The following PKD1L1 variants were observed in gnomAD, a reference collection of about 807,000 sequenced individuals.
The protein encoded by PKD1L1 is polycystin 1 like 1, transient receptor potential channel interacting.
In PKD1L1, 236 loss-of-function variants were observed where a neutral mutation model predicts 323.4. The observed-to-expected ratio is 0.73, with a 90% CI of 0.66 to 0.81. The LOEUF is 0.81. PKD1L1 is among the 40% of genes least tolerant of loss of function. The probability of loss-of-function intolerance (pLI) is 0.00; values close to 1 mark genes in which losing one functional copy is unlikely to be tolerated. For synonymous variants in PKD1L1, 1,344 were observed against 1,335.0 expected (o/e 1.01, Z -0.15); for missense variants, 3,320 against 3,508.0 (o/e 0.95, Z 1.35).
chr7:47,795,378 C>T (rs1224247336), intron 55 of PKD1L1: 1 of 455,400 alleles, frequency 2.2e-6, no homozygotes, highest in South Asian at 1.6e-5. Flanking sequence ...TCTCTTGCCA[C>T]CACCATGTAA....
intron 4 of PKD1L1, among the ~76,000 whole-genome samples, chr7:47,933,741 A>C (rs1787816017): frequency 6.6e-6 from 1 of 152,192 alleles, no homozygotes; most frequent in African/African-American, 2.4e-5. Context: ...TGAATAAATA[A>C]ATAAATAAAT....
At chr7:47,824,170 G>A (rs909594355) in intron 45 of PKD1L1, among the ~76,000 whole-genome samples, 2 of 152,132 alleles carry the variant, frequency 1.3e-5, no homozygotes, top group Non-Finnish European at 2.9e-5. Context: ...CCAAATCTAG[G>A]TGCTAAAAGT....
intron 1 of PKD1L1, among the ~76,000 whole-genome samples, chr7:47,944,400 G>A (rs1044766996): frequency 6.6e-6 from 1 of 152,186 alleles, no homozygotes; most frequent in Non-Finnish European, 1.5e-5. Context: ...CTGCAGAACC[G>A]TGAGCCAATT....
chr7:47,819,636 C>T (rs768124607), intron 46 of PKD1L1: 8 of 1,186,236 alleles, frequency 6.7e-6, no homozygotes, highest in Non-Finnish European at 8.0e-6. Flanking sequence ...TATTACAATG[C>T]TCAGCAGAAA....
chr7:47,890,688 A>T lies in PKD1L1; in HGVS notation c.2529T>A (p.Asp843Glu). ...CFDSSTAHQL[D>E]AAAPTVSFEA... is the part of the protein sequence containing the mutation. The stretch of plus-strand genomic sequence containing the variant: ...CAAAGGAAACAGTGGGAGCCGCGGC[A>T]TCCAGTTGGTGTGCAGTGGAGGAGT... The change falls in exon 16 of 57, where the codon GAT (aspartate) becomes GAA (glutamate). Residue 843 changes from aspartate (D) to glutamate (E), a missense_variant. Physicochemically the swap from Asp to Glu is conservative, Grantham distance 45. Transcript: ENST00000289672. The T allele has an allele frequency of 1.2e-6, 2 of 1,613,904 alleles. No homozygotes were observed. The highest frequency in any genetic ancestry group is 2.2e-5 in the South Asian group (2 of 91,066).
At chr7:47,842,173 T>C (rs1301275520) in intron 34 of PKD1L1, among the ~76,000 whole-genome samples, 1 of 152,238 alleles carries the variant, frequency 6.6e-6, no homozygotes, top group Non-Finnish European at 1.5e-5. Flanking sequence ...CTTGTGAATA[T>C]ATACATGTAT....
chr7:47,954,697 G>T, the PKD1L1 span, among the ~76,000 whole-genome samples: 1 of 152,146 alleles, frequency 6.6e-6, no homozygotes, highest in Non-Finnish European at 1.5e-5. Context: ...CACATTTTAC[G>T]CTTCCCAATT....
intron 55 of PKD1L1, among the ~76,000 whole-genome samples, chr7:47,794,423 A>T (rs1584946940): frequency 6.6e-6 from 1 of 152,012 alleles, no homozygotes; most frequent in Admixed American, 6.6e-5. Context: ...AGAGAGTGGA[A>T]CCCCCAAGCC....
chr7:47,822,549 C>T (rs1396333237), intron 45 of PKD1L1, among the ~76,000 whole-genome samples: 3 of 132,404 alleles, frequency 2.3e-5, no homozygotes, highest in South Asian at 2.6e-4. Context: ...GAGCCGAGAT[C>T]GCGCCATTGC....
Position 47,840,346 on chromosome 7 carries a change from GCTCA to G in PKD1L1, c.5552+111_5552+114del, listed in dbSNP as rs2128737875. On this transcript the variant is annotated intron_variant, in intron 35 of 56. Coordinates refer to ENST00000289672, the MANE Select transcript of PKD1L1 (RefSeq NM_138295.5). The surrounding 1 kb of genome is among the most constrained non-coding windows in gnomAD (Gnocchi z 4.1). ...TAAAATTGTTTGTATATAAATCGAT[GCTCA>G]CTATTAGAGACCAATGTTATGTATT... 4.6e-6 allele frequency: 3 copies of G among 656,074 alleles called. No homozygotes were observed. Among genetic ancestry groups the G allele is most frequent in the Admixed American group, 2.7e-5 (1 of 36,620 alleles). The allele number at this position is 656,074 out of a possible 1,614,324, so 40.6% of individuals were successfully genotyped here. A position where few individuals can be genotyped will look rare whatever the true frequency, so the allele number is the denominator to read the frequency against.
intron 30 of PKD1L1, among the ~76,000 whole-genome samples, 162 bp downstream of exon 30, chr7:47,854,720 A>T (rs994388895): frequency 2.6e-5 from 4 of 152,240 alleles, no homozygotes; most frequent in African/African-American, 9.6e-5. Context: ...AAAGTCAGGA[A>T]GCTTAGCATC....
intron 21 of PKD1L1, 103 bp from the exon 22 acceptor site, chr7:47,877,734 A>G: frequency 9.6e-6 from 13 of 1,356,796 alleles, no homozygotes; most frequent in Non-Finnish European, 1.3e-5. Flanking sequence ...TTCTCAAAGT[A>G]GGGTCCCCAG....
chr7:47,953,081 G>A (rs182293295), upstream of PKD1L1, among the ~76,000 whole-genome samples: 7 of 152,280 alleles, frequency 4.6e-5, no homozygotes, highest in East Asian at 9.7e-4. Flanking sequence ...GAAGGAATGC[G>A]ATGATCACAG....
chr7:47,834,548 G>A (rs1481651074), intron 39 of PKD1L1, among the ~76,000 whole-genome samples, 163 bp from the exon 40 acceptor site: 1 of 152,158 alleles, frequency 6.6e-6, no homozygotes, highest in East Asian at 1.9e-4. Context: ...CTAGAACGAG[G>A]ACTTTTGTTG....
chr7:47,797,179 C>T (rs1362344571), intron 54 of PKD1L1, among the ~76,000 whole-genome samples: 4 of 152,206 alleles, frequency 2.6e-5, no homozygotes, highest in Non-Finnish European at 5.9e-5. Context: ...TGCTAAGCAG[C>T]ATCGTCTAAG....
At chr7:47,835,082 A>G (rs1179192294) in intron 38 of PKD1L1, 43 bp from the exon 39 acceptor site, 1 of 1,610,672 alleles carries the variant, frequency 6.2e-7, no homozygotes, top group Non-Finnish European at 8.5e-7. Flanking sequence ...GTTCCCCAGC[A>G]ATGAAGGGGC....
At chr7:47,865,541 G>C (rs1281856952) in intron 25 of PKD1L1, among the ~76,000 whole-genome samples, 1 of 120,430 alleles carries the variant, frequency 8.3e-6, no homozygotes, top group Admixed American at 8.1e-5. Flanking sequence ...ATGAAATAAG[G>C]GTGCAGAGCT....
intron 46 of PKD1L1, chr7:47,819,666 G>C (rs767244019): frequency 2.4e-5 from 24 of 1,009,190 alleles, no homozygotes; most frequent in Non-Finnish European, 2.9e-5. Flanking sequence ...AAAACAACTT[G>C]GATTACTGAG....
chr7:47,930,323 G>A (rs1381050305), intron 6 of PKD1L1, among the ~76,000 whole-genome samples: 3 of 151,924 alleles, frequency 2.0e-5, no homozygotes, highest in Non-Finnish European at 4.4e-5. Flanking sequence ...GGCTAACACG[G>A]TGAAACCCGG....
Sources: gnomAD v4.1 joint callset for allele counts (sites outside exome capture counted in the v4.1 genomes callset) on GRCh38, gnomAD v4.1.1 for gene constraint, Gnocchi (gnomAD v3.1) non-coding constraint, MANE v1.5 for transcripts, NCBI Gene and HGNC (gene_info 2026-07-23, HGNC 2026-07-21) for gene names.